Variants in HIVEP3 observed in about 807,000 individuals in gnomAD.
HIVEP3 encodes transcription factor HIVEP3.
Under a neutral mutation model 152.8 loss-of-function variants are expected in HIVEP3, and 49 were observed. That is an observed-to-expected ratio of 0.32 (90% CI 0.26 to 0.41). The LOEUF (loss-of-function observed/expected upper bound fraction) is 0.41, where lower values mean the gene tolerates loss of function less well. Among genes scored for constraint, HIVEP3 ranks in the 10% least tolerant of loss-of-function variants. The pLI, the probability that HIVEP3 is intolerant of heterozygous loss-of-function variation, is 1.00. For missense variants in HIVEP3, 2,790 were observed against 3,103.3 expected, an observed-to-expected ratio of 0.90 and a Z score of 2.40; for synonymous variants, 1,269 against 1,289.0, an observed-to-expected ratio of 0.98 and a Z score of 0.33.
At chr1:42,029,090 G>T (rs1385108224) in intron 1 of HIVEP3, among the ~76,000 whole-genome samples, 1 of 152,146 alleles carries the variant, frequency 6.6e-6, no homozygotes, top group Non-Finnish European at 1.5e-5. Context: ...AGCAAATCTG[G>T]CTAAGGAATA....
chr1:41,792,581 C>T (rs1443831653), intron 1 of HIVEP3, among the ~76,000 whole-genome samples: 1 of 152,170 alleles, frequency 6.6e-6, no homozygotes. Flanking sequence ...TGAAACCTGC[C>T]CTCCCCACAG....
intron 7 of HIVEP3, among the ~76,000 whole-genome samples, chr1:41,515,630 G>A (rs1642580199): frequency 6.6e-6 from 1 of 152,198 alleles, no homozygotes; most frequent in Non-Finnish European, 1.5e-5. Context: ...TACAGCCCTT[G>A]CATTATTACG....
intron 1 of HIVEP3, among the ~76,000 whole-genome samples, chr1:41,962,033 C>T (rs1241201294): frequency 2.6e-5 from 4 of 152,212 alleles, no homozygotes; most frequent in Non-Finnish European, 4.4e-5. Flanking sequence ...AATTAAGTTA[C>T]AAACCCCTGA....
intron 1 of HIVEP3, among the ~76,000 whole-genome samples, chr1:41,976,505 C>T (rs1043906161): frequency 3.3e-5 from 5 of 152,222 alleles, no homozygotes; most frequent in African/African-American, 1.2e-4. Context: ...ACAACCCTTT[C>T]TTTGCCTGAT....
chr1:41,658,315 G>T (rs1209565292), intron 2 of HIVEP3, among the ~76,000 whole-genome samples: 1 of 152,116 alleles, frequency 6.6e-6, no homozygotes, highest in Non-Finnish European at 1.5e-5. Flanking sequence ...TTTATAAAAA[G>T]GACTTTGGAG....
At chr1:41,657,537 G>C (rs1484205256) in intron 2 of HIVEP3, among the ~76,000 whole-genome samples, 1 of 152,214 alleles carries the variant, frequency 6.6e-6, no homozygotes, top group Non-Finnish European at 1.5e-5. Context: ...CCCTTTGGGA[G>C]CAGCTGATTC....
intron 1 of HIVEP3, among the ~76,000 whole-genome samples, chr1:41,931,016 A>G (rs1230748570): frequency 6.6e-6 from 1 of 152,154 alleles, no homozygotes; most frequent in Non-Finnish European, 1.5e-5. Flanking sequence ...TATTCTGGAT[A>G]CAAGTCCTTC....
At chr1:41,614,041 C>A (rs944820654) in intron 3 of HIVEP3, among the ~76,000 whole-genome samples, 1 of 152,212 alleles carries the variant, frequency 6.6e-6, no homozygotes, top group Non-Finnish European at 1.5e-5. Context: ...TGTGAGATCA[C>A]GCAGGTTGGA....
chr1:41,932,967 C>T (rs1645002770), intron 1 of HIVEP3, among the ~76,000 whole-genome samples: 2 of 151,898 alleles, frequency 1.3e-5, no homozygotes, highest in South Asian at 4.1e-4. Context: ...CATCTCCATA[C>T]ATTTGAAGAT....
chr1:41,538,898 C>T (rs1569814649), intron 5 of HIVEP3, among the ~76,000 whole-genome samples: 1 of 152,118 alleles, frequency 6.6e-6, no homozygotes, highest in Non-Finnish European at 1.5e-5. Context: ...GGTTCTAGAA[C>T]AGTGACTTCC....
At chr1:41,775,291 C>T (rs568548791) in intron 1 of HIVEP3, among the ~76,000 whole-genome samples, 65 of 152,270 alleles carry the variant, frequency 4.3e-4, no homozygotes, top group African/African-American at 1.5e-3. Flanking sequence ...GACATTTCTG[C>T]GGAGCATATA....
intron 1 of HIVEP3, among the ~76,000 whole-genome samples, chr1:41,888,878 CCT>C (rs1278900151): frequency 6.9e-6 from 1 of 144,362 alleles, no homozygotes; most frequent in African/African-American, 2.6e-5. Flanking sequence ...ACACCACATA[CCT>C]CACACACATA....
chr1:41,651,787 C>A (rs1005982168), intron 2 of HIVEP3, among the ~76,000 whole-genome samples: 3 of 152,158 alleles, frequency 2.0e-5, no homozygotes, highest in African/African-American at 7.2e-5. Context: ...AATTTTTTTA[C>A]ATTTTGCCAC....
At chr1:41,707,699 A>G (rs964248123) in intron 1 of HIVEP3, among the ~76,000 whole-genome samples, 1 of 152,196 alleles carries the variant, frequency 6.6e-6, no homozygotes, top group Admixed American at 6.5e-5. Flanking sequence ...TCTGCTACTT[A>G]TTAGCTGTGC....
chr1:41,633,852 C>T (rs1267945279), intron 2 of HIVEP3, among the ~76,000 whole-genome samples: 5 of 152,300 alleles, frequency 3.3e-5, no homozygotes, highest in Non-Finnish European at 7.3e-5. Context: ...GGAATCAGCA[C>T]CCTCCCTTCG....
At chr1:41,825,680 A>T (rs1489398320) in intron 1 of HIVEP3, among the ~76,000 whole-genome samples, 1 of 151,968 alleles carries the variant, frequency 6.6e-6, no homozygotes, top group Non-Finnish European at 1.5e-5. Flanking sequence ...ATCACAGCTC[A>T]CTGTAGCCTT....
At chr1:41,928,995 T>C (rs1223557218) in intron 1 of HIVEP3, among the ~76,000 whole-genome samples, 5 of 152,286 alleles carry the variant, frequency 3.3e-5, no homozygotes, top group Admixed American at 1.3e-4. Flanking sequence ...TTCTCCAATA[T>C]GAAATTACTA....
chr1:41,950,580 TC>T (rs1158447190), intron 1 of HIVEP3, among the ~76,000 whole-genome samples: 1 of 152,234 alleles, frequency 6.6e-6, no homozygotes, highest in Admixed American at 6.5e-5. Context: ...ATCCATGCCT[TC>T]CCCTCTATTC....
chr1:42,011,437 T>C (rs142827812), intron 1 of HIVEP3, among the ~76,000 whole-genome samples: 68 of 152,352 alleles, frequency 4.5e-4, no homozygotes, highest in African/African-American at 1.6e-3. Flanking sequence ...CCTTCAAAGT[T>C]AGAAGTTAAA....
Sources: gnomAD v4.1 joint callset for allele counts (sites outside exome capture counted in the v4.1 genomes callset) on GRCh38, gnomAD v4.1.1 for gene constraint, MANE v1.5 for transcripts, NCBI Gene and HGNC (gene_info 2026-07-23, HGNC 2026-07-21) for gene names.